OPHN1: variants seen among roughly 807,000 people sequenced by gnomAD.
The protein encoded by OPHN1 is oligophrenin 1.
Under a neutral mutation model 60.7 loss-of-function variants are expected in OPHN1, and 11 were observed. That is an observed-to-expected ratio of 0.18 (90% CI 0.11 to 0.30). The LOEUF is 0.30. Among genes scored for constraint, OPHN1 ranks in the 10% least tolerant of loss-of-function variants. The probability of loss-of-function intolerance (pLI) is 1.00; values close to 1 mark genes in which losing one functional copy is unlikely to be tolerated. For missense variants in OPHN1, 449 were observed against 611.0 expected (o/e 0.73, Z 2.80); for synonymous variants, 226 against 222.6 (o/e 1.02, Z -0.14).
Position 68,087,597 on chromosome X carries a change from T to C in OPHN1, c.1686+9273A>G, listed in dbSNP as rs767414829. Among the ~76,000 whole-genome samples the C allele has an allele frequency of 7.1e-5, 8 of 112,194 alleles. No homozygotes were observed. The East Asian group carries it at 8.5e-4, about 12-fold the overall frequency. On this transcript the variant is annotated intron_variant, in intron 19 of 24. Transcript: ENST00000355520. Reference sequence around the variant, plus strand: ...CCAAGAGATCCAGACCCATTCTAACTCTTGGAAATCTTGGCAGAAATGAGC... The same window carrying C: ...CCAAGAGATCCAGACCCATTCTAACCCTTGGAAATCTTGGCAGAAATGAGC...
chrX:68,390,061 C>G (rs1380241763), intron 2 of OPHN1, among the ~76,000 whole-genome samples: 1 of 110,008 alleles, frequency 9.1e-6, no homozygotes, highest in African/African-American at 3.3e-5. Context: ...GGGGAAAAGC[C>G]CCTTATAAAA....
intron 22 of OPHN1, 22 bp from the exon 23 acceptor site, chrX:68,052,612 G>A: frequency 8.4e-7 from 1 of 1,197,480 alleles, no homozygotes; most frequent in Non-Finnish European, 1.1e-6. Flanking sequence ...AGCCAACCAA[G>A]TCCCATAAGT....
chrX:68,278,432 A>C (rs866706094), intron 4 of OPHN1, among the ~76,000 whole-genome samples: 2 of 112,613 alleles, frequency 1.8e-5, no homozygotes, highest in Non-Finnish European at 3.7e-5. Context: ...ACTCTTCACC[A>C]TAACGAGTGA....
At chrX:68,103,295 G>C (rs898296618) in intron 18 of OPHN1, among the ~76,000 whole-genome samples, 13 of 111,974 alleles carry the variant, frequency 1.2e-4, no homozygotes, top group Admixed American at 3.8e-4. Context: ...TATCTCAATA[G>C]ATGCAGAAAG....
chrX:68,429,333 C>T (rs1057176272), intron 2 of OPHN1, among the ~76,000 whole-genome samples: 3 of 110,522 alleles, frequency 2.7e-5, no homozygotes, highest in Non-Finnish European at 5.7e-5. Context: ...GGCTGAGGCA[C>T]GAGAATTGCT....
At chrX:68,140,194 T>G (rs1355368559) in intron 15 of OPHN1, among the ~76,000 whole-genome samples, 7 of 111,590 alleles carry the variant, frequency 6.3e-5, no homozygotes, top group Non-Finnish European at 1.3e-4. Flanking sequence ...ACTCTACCCA[T>G]ACAGGGTCAC....
intron 6 of OPHN1, among the ~76,000 whole-genome samples, chrX:68,220,421 A>G (rs1041469432): frequency 9.0e-6 from 1 of 111,256 alleles, no homozygotes; most frequent in Admixed American, 9.6e-5. Context: ...ATCCTCCCTA[A>G]CTCATTTCAT....
intron 4 of OPHN1, 34 bp from the exon 5 acceptor site, chrX:68,274,843 C>A (rs759485272): frequency 9.5e-7 from 1 of 1,055,766 alleles, no homozygotes; most frequent in South Asian, 1.9e-5. Context: ...AAAACAATTT[C>A]TAGGTTAACA....
intron 18 of OPHN1, among the ~76,000 whole-genome samples, chrX:68,106,897 A>G (rs1472809741): frequency 8.9e-6 from 1 of 111,915 alleles, no homozygotes. Context: ...ATTTCCCTAC[A>G]ATTTTCATTA....
intron 3 of OPHN1, among the ~76,000 whole-genome samples, chrX:68,288,774 A>C (rs1173085244): frequency 9.0e-6 from 1 of 111,382 alleles, no homozygotes; most frequent in Non-Finnish European, 1.9e-5. Context: ...CAAAAAGAAA[A>C]AGAAAAAGAA....
chrX:68,388,838 A>G (rs1031320143), intron 2 of OPHN1, among the ~76,000 whole-genome samples: 23 of 111,634 alleles, frequency 2.1e-4, no homozygotes, highest in African/African-American at 6.8e-4. Flanking sequence ...CAAAAATAAA[A>G]ACAAACTGAA....
chrX:68,362,003 C>T (rs1199139546), intron 2 of OPHN1, among the ~76,000 whole-genome samples: 1 of 111,763 alleles, frequency 8.9e-6, no homozygotes, highest in African/African-American at 3.2e-5. Flanking sequence ...ACCTGTTGGC[C>T]ATTTATATGT....
chrX:68,188,608 G>A (rs1344742462), intron 15 of OPHN1, among the ~76,000 whole-genome samples: 1 of 111,767 alleles, frequency 8.9e-6, no homozygotes, highest in Non-Finnish European at 1.9e-5. Context: ...TCAGAAAAAC[G>A]GTTAACATAT....
At chrX:68,145,102 T>C (rs762339240) in intron 15 of OPHN1, among the ~76,000 whole-genome samples, 2 of 111,707 alleles carry the variant, frequency 1.8e-5, no homozygotes, top group South Asian at 7.6e-4. Flanking sequence ...GCTGACACTG[T>C]ATAAAACTCT....
intron 3 of OPHN1, among the ~76,000 whole-genome samples, chrX:68,294,597 T>C (rs1489299675): frequency 1.8e-5 from 2 of 110,477 alleles, no homozygotes; most frequent in Non-Finnish European, 3.8e-5. Flanking sequence ...ATGCCAAAAC[T>C]TGTATGATTG....
At position 68,344,691 on chromosome X, in the gene OPHN1, A is replaced by T. The variant is rs181336954; in HGVS notation, c.155-45595T>A. The stretch of plus-strand genomic sequence containing the variant: ...GGAGTTCAAGATCAGCCTGGGCAAC[A>T]CAGTGAGACACCCCCTACAAAAAAT... On this transcript the variant is annotated intron_variant, in intron 2 of 24. Transcript: ENST00000355520. Among the ~76,000 whole-genome samples the T allele has an allele frequency of 6.2e-3, 695 of 111,651 alleles. 27 individuals carry two copies. The highest frequency in any genetic ancestry group is 0.059 in the Admixed American group (613 of 10,400).
intron 2 of OPHN1, among the ~76,000 whole-genome samples, chrX:68,311,438 G>A (rs1284782801): frequency 8.9e-6 from 1 of 112,038 alleles, no homozygotes; most frequent in Non-Finnish European, 1.9e-5. Context: ...GTCTTTGTTT[G>A]TTTGTTTGTT....
intron 20 of OPHN1, among the ~76,000 whole-genome samples, chrX:68,065,357 A>G (rs2076909549): frequency 9.0e-6 from 1 of 111,545 alleles, no homozygotes; most frequent in Admixed American, 9.6e-5. Context: ...TTTTGCTTTT[A>G]AAAGAGTTCC....
intron 15 of OPHN1, among the ~76,000 whole-genome samples, chrX:68,165,709 C>T (rs562563466): frequency 9.0e-6 from 1 of 111,712 alleles, no homozygotes; most frequent in Middle Eastern, 4.7e-3. Context: ...CAGTACATCG[C>T]CACAGTGCTT....
Sources: gnomAD v4.1 joint callset for allele counts (sites outside exome capture counted in the v4.1 genomes callset) on GRCh38, gnomAD v4.1.1 for gene constraint, MANE v1.5 for transcripts, NCBI Gene and HGNC (gene_info 2026-07-23, HGNC 2026-07-21) for gene names.